Variants in VRK2 observed in about 807,000 individuals in gnomAD.
The protein encoded by VRK2 is VRK serine/threonine kinase 2.
VRK2 carries 60 observed loss-of-function variants against 57.6 expected under a neutral mutation model. The observed-to-expected ratio is 1.04, with a 90% CI of 0.85 to 1.29. The LOEUF (loss-of-function observed/expected upper bound fraction) is 1.29, where lower values mean the gene tolerates loss of function less well. Ranked by LOEUF, VRK2 falls within the 50% of genes most tolerant of loss-of-function variation. VRK2 has a pLI of 0.00. For synonymous variants in VRK2, 231 were observed against 199.2 expected (o/e 1.16, Z -1.35); for missense variants, 705 against 588.1 (o/e 1.20, Z -2.06).
chr2:58,021,592 G>T (rs931725513), intron 1 of VRK2, among the ~76,000 whole-genome samples: 1 of 152,100 alleles, frequency 6.6e-6, no homozygotes, highest in Non-Finnish European at 1.5e-5. Flanking sequence ...ATCACTCAGT[G>T]AATCCCTTCC....
intron 2 of VRK2, among the ~76,000 whole-genome samples, chr2:58,076,012 C>A (rs1044549501): frequency 6.6e-6 from 1 of 151,642 alleles, no homozygotes; most frequent in Admixed American, 6.6e-5. Flanking sequence ...TTTTCTCCCC[C>A]TTAAGAAGAC....
chr2:58,054,776 A>T (rs373674531), intron 2 of VRK2, among the ~76,000 whole-genome samples: 1 of 152,194 alleles, frequency 6.6e-6, no homozygotes, highest in South Asian at 2.1e-4. Flanking sequence ...TTGATTTTGC[A>T]ATTAGTATTT....
chr2:58,057,730 A>G (rs56176614), intron 2 of VRK2, among the ~76,000 whole-genome samples: 2 of 152,146 alleles, frequency 1.3e-5, no homozygotes, highest in Admixed American at 6.6e-5. Flanking sequence ...GAAAGGTTTG[A>G]TTAAGGGTTT....
chr2:58,087,118 G>A (rs2165105), intron 5 of VRK2, among the ~76,000 whole-genome samples: 1 of 151,844 alleles, frequency 6.6e-6, no homozygotes, highest in African/African-American at 2.4e-5. Context: ...GAAAAAAAGT[G>A]TGTCATTTTA....
chr2:58,074,071 A>C (rs1669737843), intron 2 of VRK2, among the ~76,000 whole-genome samples: 1 of 152,086 alleles, frequency 6.6e-6, no homozygotes, highest in Non-Finnish European at 1.5e-5. Context: ...AGTATTAACC[A>C]TCACATCTGC....
intron 1 of VRK2, among the ~76,000 whole-genome samples, chr2:57,910,668 T>C (rs1669960835): frequency 6.6e-6 from 1 of 152,182 alleles, no homozygotes; most frequent in South Asian, 2.1e-4. Flanking sequence ...AAAGTATACA[T>C]TTTCAAATGT....
intron 1 of VRK2, among the ~76,000 whole-genome samples, chr2:58,017,175 C>T (rs1673611393): frequency 6.6e-6 from 1 of 152,086 alleles, no homozygotes; most frequent in African/African-American, 2.4e-5. Context: ...GTTGAATAGC[C>T]CAAAGTAAGC....
intron 1 of VRK2, among the ~76,000 whole-genome samples, chr2:57,933,314 T>TTTTC (rs1553363023): frequency 6.1e-5 from 8 of 130,154 alleles, no homozygotes; most frequent in African/African-American, 1.9e-4. Context: ...TTTTTCTTTT[T>TTTTC]TTTTTTTTTT....
chr2:58,102,767 G>A (rs1477558612), intron 7 of VRK2, among the ~76,000 whole-genome samples: 1 of 151,376 alleles, frequency 6.6e-6, no homozygotes, highest in Non-Finnish European at 1.5e-5. Context: ...GATATTCCAA[G>A]AGCTGCAGAA....
At chr2:58,137,221 TATCATATGATA>T (rs1404650441) in intron 10 of VRK2, among the ~76,000 whole-genome samples, 3 of 52,798 alleles carry the variant, frequency 5.7e-5, no homozygotes, top group East Asian at 4.3e-4. Context: ...GATACATATA[TATCATATGATA>T]CATATATATC....
intron 12 of VRK2, chr2:58,154,735 T>G: frequency 1.4e-6 from 1 of 717,686 alleles, no homozygotes; most frequent in Non-Finnish European, 2.6e-6. Flanking sequence ...CTTGGTGTAT[T>G]TTCTTCCCTT....
chr2:58,031,580 TA>T (rs1407381072), intron 2 of VRK2, among the ~76,000 whole-genome samples: 1 of 152,064 alleles, frequency 6.6e-6, no homozygotes, highest in East Asian at 1.9e-4. Context: ...ATCAGATCAT[TA>T]CCACCACCAG....
chr2:58,044,281 T>C (rs1466333809), upstream of VRK2, among the ~76,000 whole-genome samples: 1 of 152,200 alleles, frequency 6.6e-6, no homozygotes, highest in Non-Finnish European at 1.5e-5. Flanking sequence ...GACTATCTCT[T>C]CCAAGAATGT....
At chr2:57,990,836 G>C (rs1391086657) in intron 1 of VRK2, among the ~76,000 whole-genome samples, 1 of 140,862 alleles carries the variant, frequency 7.1e-6, no homozygotes, top group East Asian at 2.1e-4. Flanking sequence ...TTCCCATTAT[G>C]ATAGTCACAC....
In VRK2 at chr2:58,092,480, T is replaced by C. The variant is rs142936972; in HGVS notation, c.543+2757T>C. Among the ~76,000 whole-genome samples the C allele has an allele frequency of 5.3e-3, 804 of 152,340 alleles. 3 individuals carry two copies. The highest frequency in any genetic ancestry group is 0.018 in the African/African-American group (762 of 41,584). On this transcript the variant is annotated intron_variant, in intron 7 of 12. Coordinates refer to ENST00000340157, the MANE Select transcript of VRK2 (RefSeq NM_006296.7). The stretch of plus-strand genomic sequence containing the variant: ...AAATAAAGTTGCTATAAGCTAAGCA[T>C]TCACATACAGCCTTTTGTGGAGACA...
chr2:58,123,232 A>G lies in VRK2; in HGVS notation c.675A>G (p.Val225=). Residue 225 remains valine (V), a splice_region_variant and synonymous_variant, in exon 8 of 13, where the codon GTA becomes GTG. Coordinates refer to ENST00000340157, the MANE Select transcript of VRK2 (RefSeq NM_006296.7). ...CCAGCTTGGATGCCCACAAGGGAGTAGGTGGGTTTCTTTTTTCTTTTTCTT... is the reference window on the plus strand; with the variant it reads ...CCAGCTTGGATGCCCACAAGGGAGTGGGTGGGTTTCTTTTTTCTTTTTCTT... ...EFTSLDAHKG[V]ALSRRSDVEI... The G allele has an allele frequency of 6.3e-7, 1 of 1,576,070 alleles. No individual in the cohort carries two copies. Among genetic ancestry groups the G allele is most frequent in the Non-Finnish European group, 8.5e-7 (1 of 1,169,706 alleles).
At chr2:57,942,618 T>A (rs369326412) in intron 1 of VRK2, among the ~76,000 whole-genome samples, 1 of 152,208 alleles carries the variant, frequency 6.6e-6, no homozygotes. Flanking sequence ...TTTAAATAAC[T>A]GTAAAATTGA....
chr2:58,036,616 T>C (rs1674282491), intron 3 of VRK2, among the ~76,000 whole-genome samples: 1 of 151,952 alleles, frequency 6.6e-6, no homozygotes, highest in Non-Finnish European at 1.5e-5. Context: ...AAATACTATG[T>C]AAAACCAAAA....
At chr2:58,079,296 A>T (rs1006428159) in intron 2 of VRK2, among the ~76,000 whole-genome samples, 1 of 152,096 alleles carries the variant, frequency 6.6e-6, no homozygotes, top group African/African-American at 2.4e-5. Context: ...AGCCTGCCAT[A>T]AATTCATTAT....
Sources: gnomAD v4.1 joint callset for allele counts (sites outside exome capture counted in the v4.1 genomes callset) on GRCh38, gnomAD v4.1.1 for gene constraint, MANE v1.5 for transcripts, NCBI Gene and HGNC (gene_info 2026-07-23, HGNC 2026-07-21) for gene names.